The following ATRX variants were observed in gnomAD, a reference collection of about 807,000 sequenced individuals.
ATRX encodes the protein ATRX chromatin remodeler.
ATRX carries 12 observed loss-of-function variants against 172.6 expected under a neutral mutation model. The ratio of observed to expected loss-of-function variants is 0.07; its 90% CI spans 0.04 to 0.11. The LOEUF (loss-of-function observed/expected upper bound fraction) is 0.11, where lower values mean the gene tolerates loss of function less well. Among genes scored for constraint, ATRX ranks in the 10% least tolerant of loss-of-function variants. The probability of loss-of-function intolerance (pLI) is 1.00; values close to 1 mark genes in which losing one functional copy is unlikely to be tolerated. For synonymous variants in ATRX, 674 were observed against 594.7 expected, an observed-to-expected ratio of 1.13 and a Z score of -1.94; for missense variants, 1,368 against 1,767.4, an observed-to-expected ratio of 0.77 and a Z score of 4.05.
At chrX:77,779,528 A>G (rs985694895) in intron 1 of ATRX, among the ~76,000 whole-genome samples, 25 of 111,333 alleles carry the variant, frequency 2.2e-4, no homozygotes, top group African/African-American at 8.2e-4. Context: ...TTTCCTAGAC[A>G]TCCCCCAAAT....
At chrX:77,749,080 T>G (rs1485323641) in intron 1 of ATRX, among the ~76,000 whole-genome samples, 1 of 110,786 alleles carries the variant, frequency 9.0e-6, no homozygotes. Context: ...AAGTACTCAA[T>G]AGGTAATTTT....
intron 19 of ATRX, among the ~76,000 whole-genome samples, chrX:77,626,036 T>C (rs2067822611): frequency 2.2e-4 from 1 of 4,541 alleles, no homozygotes; most frequent in South Asian, 6.8e-3. Flanking sequence ...GGCATATATA[T>C]ATATATATAT....
intron 22 of ATRX, among the ~76,000 whole-genome samples, chrX:77,608,968 T>C (rs2067037840): frequency 9.0e-6 from 1 of 111,642 alleles, no homozygotes; most frequent in Admixed American, 9.5e-5. Context: ...GACATGCAAA[T>C]GGAAAATAGG....
At chrX:77,508,710 G>C in intron 34 of ATRX, 81 bp from the exon 35 acceptor site, 1 of 1,047,751 alleles carries the variant, frequency 9.5e-7, no homozygotes, top group South Asian at 1.9e-5. Context: ...AAATCAATTT[G>C]TTAAGGGGGT....
intron 1 of ATRX, among the ~76,000 whole-genome samples, chrX:77,755,300 T>A (rs2075448622): frequency 8.9e-6 from 1 of 111,753 alleles, no homozygotes; most frequent in East Asian, 2.8e-4. Flanking sequence ...CTCAGAGGAG[T>A]TTGTTATTAC....
intron 10 of ATRX, 56 bp downstream of exon 10, chrX:77,676,170 G>T: frequency 9.1e-7 from 1 of 1,095,851 alleles, no homozygotes. Context: ...TGCTGTTTGT[G>T]CCCATGCCTA....
chrX:77,593,953 C>G, intron 25 of ATRX, 104 bp from the exon 26 acceptor site: 1 of 762,209 alleles, frequency 1.3e-6, no homozygotes. Flanking sequence ...AAGAAAGAAA[C>G]TGATGGGGAC....
At chrX:77,694,907 G>T (rs1355101737) in intron 5 of ATRX, among the ~76,000 whole-genome samples, 3 of 56,909 alleles carry the variant, frequency 5.3e-5, no homozygotes, top group African/African-American at 7.7e-5. Context: ...AGGGTGGGGG[G>T]GGGGAGGACA....
At chrX:77,536,159 C>T (rs1289397073) in intron 30 of ATRX, among the ~76,000 whole-genome samples, 1 of 111,141 alleles carries the variant, frequency 9.0e-6, no homozygotes, top group African/African-American at 3.3e-5. Flanking sequence ...AAACAATCCT[C>T]CTGCCTCAGT....
At chrX:77,597,307 G>C (rs1314942650) in intron 25 of ATRX, among the ~76,000 whole-genome samples, 1 of 110,285 alleles carries the variant, frequency 9.1e-6, no homozygotes, top group Non-Finnish European at 1.9e-5. Context: ...TGGAGGTACT[G>C]AAGAGAGAAA....
chrX:77,571,671 T>C lies in ATRX; in HGVS notation c.6326+2579A>G, dbSNP rs45561037. Among the ~76,000 whole-genome samples, 402 of 111,411 alleles carry C rather than the reference T, an allele frequency of 3.6e-3. 11 individuals carry two copies. In the East Asian group the frequency reaches 0.045, roughly 12 times the overall value. On this transcript the variant is annotated intron_variant, in intron 28 of 34. Transcript: ENST00000373344. The stretch of plus-strand genomic sequence containing the variant: ...TTGTGTATATGTGGAAAAAAAGATA[T>C]ATGCAAACATTGAAACACTGTCAAC...
chrX:77,671,844 CAAGA>C (rs1318483449), intron 10 of ATRX, among the ~76,000 whole-genome samples: 2 of 109,883 alleles, frequency 1.8e-5, no homozygotes, highest in Non-Finnish European at 3.8e-5. Context: ...GAACAGAGAA[CAAGA>C]AAGAAACACT....
Position 77,629,718 on chromosome X carries a change from A to C in ATRX, c.5134+3489T>G, listed in dbSNP as rs782138084. Among the ~76,000 whole-genome samples the C allele has an allele frequency of 1.2e-4, 13 of 111,757 alleles. 1 individual carries two copies. Among genetic ancestry groups the C allele is most frequent in the Middle Eastern group, 4.6e-3 (1 of 217 alleles). ...AATGTAGAACTTACTCAACCTGATA[A>C]AAGACACCTATTAGAAATCCACAGC... On this transcript the variant is annotated intron_variant, in intron 19 of 34. Coordinates refer to ENST00000373344, the MANE Select transcript of ATRX (RefSeq NM_000489.6).
At chrX:77,667,403 G>GTACAAGA (rs2070319552) in intron 10 of ATRX, among the ~76,000 whole-genome samples, 1 of 108,294 alleles carries the variant, frequency 9.2e-6, no homozygotes, top group African/African-American at 3.4e-5. Context: ...TTACTTGCAA[G>GTACAAGA]TACAAGATCT....
chrX:77,517,835 G>T (rs781829162), intron 34 of ATRX, among the ~76,000 whole-genome samples: 2 of 112,027 alleles, frequency 1.8e-5, no homozygotes, highest in East Asian at 5.6e-4. Flanking sequence ...GACCAAGTGG[G>T]ATTTATCCAA....
intron 22 of ATRX, among the ~76,000 whole-genome samples, chrX:77,612,475 C>T (rs79875219): frequency 9.1e-6 from 1 of 110,488 alleles, no homozygotes; most frequent in Admixed American, 9.7e-5. Flanking sequence ...CCATGTGGGG[C>T]TTGAAAACTA....
At chrX:77,692,725 C>T (rs2071959192) in intron 6 of ATRX, among the ~76,000 whole-genome samples, 2 of 111,014 alleles carry the variant, frequency 1.8e-5, no homozygotes, top group Admixed American at 1.9e-4. Context: ...TTAAGCTGCC[C>T]CAAAATATAT....
At chrX:77,515,327 A>G (rs1003480934) in intron 34 of ATRX, among the ~76,000 whole-genome samples, 8 of 111,707 alleles carry the variant, frequency 7.2e-5, no homozygotes, top group African/African-American at 2.6e-4. Context: ...CCACAAAAGC[A>G]AAAACATGGA....
chrX:77,701,152 C>G (rs1195762713), intron 2 of ATRX, among the ~76,000 whole-genome samples: 1 of 111,941 alleles, frequency 8.9e-6, no homozygotes, highest in Non-Finnish European at 1.9e-5. Context: ...GAAGCAGGGA[C>G]ATATGGGAAC....
Sources: gnomAD v4.1 joint callset for allele counts (sites outside exome capture counted in the v4.1 genomes callset) on GRCh38, gnomAD v4.1.1 for gene constraint, MANE v1.5 for transcripts, NCBI Gene and HGNC (gene_info 2026-07-23, HGNC 2026-07-21) for gene names.